Variants in ADAMTS19 observed in about 807,000 individuals in gnomAD.
The protein encoded by ADAMTS19 is ADAM metallopeptidase with thrombospondin type 1 motif 19, also known as A disintegrin and metalloproteinase with thrombospondin motifs 19.
A neutral mutation model predicts 153.3 loss-of-function variants in ADAMTS19; 93 were observed. That is an observed-to-expected ratio of 0.61 (90% confidence interval 0.51 to 0.72). The LOEUF (loss-of-function observed/expected upper bound fraction) is 0.72. Among genes scored for constraint, ADAMTS19 ranks in the 30% least tolerant of loss-of-function variants. The pLI is 0.00. For missense variants in ADAMTS19, 1,482 were observed against 1,552.1 expected (o/e 0.95, Z 0.76); for synonymous variants, 600 against 556.6 (o/e 1.08, Z -1.10).
At chr5:129,496,251 G>A (rs916425693) in intron 2 of ADAMTS19, among the ~76,000 whole-genome samples, 42 of 152,044 alleles carry the variant, frequency 2.8e-4, no homozygotes, top group Admixed American at 7.9e-4. Flanking sequence ...AAGTGGTAAC[G>A]AGGACATGAA....
chr5:129,582,391 G>GT (rs1404783302), intron 7 of ADAMTS19, among the ~76,000 whole-genome samples: 1 of 150,978 alleles, frequency 6.6e-6, no homozygotes, highest in Non-Finnish European at 1.5e-5. Context: ...TTTAAAGTCT[G>GT]TTTTATCAGA....
At chr5:129,609,342 G>A (rs1329097613) in intron 8 of ADAMTS19, among the ~76,000 whole-genome samples, 1 of 152,034 alleles carries the variant, frequency 6.6e-6, no homozygotes, top group Admixed American at 6.6e-5. Context: ...TCATTGTTAG[G>A]GTTTGTGATA....
At chr5:129,667,861 C>T (rs1216518292) in intron 16 of ADAMTS19, among the ~76,000 whole-genome samples, 1 of 152,198 alleles carries the variant, frequency 6.6e-6, no homozygotes, top group Non-Finnish European at 1.5e-5. Context: ...AATTTGATTT[C>T]CACTCCATGC....
chr5:129,470,550 G>A (rs1305569454), intron 2 of ADAMTS19, among the ~76,000 whole-genome samples: 2 of 152,180 alleles, frequency 1.3e-5, no homozygotes, highest in Non-Finnish European at 2.9e-5. Context: ...TTATTCTGAT[G>A]CCAAGCCCTA....
At position 129,461,710 on chromosome 5, in the gene ADAMTS19, C is replaced by A. The variant is rs138666792; in HGVS notation, c.700C>A (p.Arg234=). ...CTGCTTCTACACCGGAGCTGTGCTG[C>A]GGCACCCTGGCTCGCTGGCTTCTTT... ...AGCFYTGAVL[R]HPGSLASFST... is the part of the protein sequence containing the mutation. The change falls in exon 2 of 23, where the codon CGG becomes AGG. Residue 234 remains arginine, a synonymous_variant. Transcript: ENST00000274487. This position sits in a 1 kb window ranked among gnomAD's most constrained non-coding sequence, Gnocchi z 4.6. 2.6e-6 allele frequency: 4 copies of A among 1,525,370 alleles called. No homozygotes were observed. The highest frequency in any genetic ancestry group is 8.8e-7 in the Non-Finnish European group (1 of 1,141,030). The allele number at this position is 1,525,370 out of a possible 1,614,324, so 94.5% of individuals were successfully genotyped here. A position where few individuals can be genotyped will look rare whatever the true frequency, so the allele number is the denominator to read the frequency against.
intron 5 of ADAMTS19, 143 bp from the exon 6 acceptor site, chr5:129,528,377 G>A: frequency 1.8e-6 from 1 of 554,750 alleles, no homozygotes; most frequent in Non-Finnish European, 2.9e-6. Context: ...AATTAAACCT[G>A]CATGTCTTCC....
At chr5:129,683,285 A>G (rs1374041853) in intron 17 of ADAMTS19, among the ~76,000 whole-genome samples, 5 of 151,764 alleles carry the variant, frequency 3.3e-5, no homozygotes, top group Admixed American at 2.6e-4. Flanking sequence ...ACACTATCCA[A>G]TTCTGAGCCT....
intron 21 of ADAMTS19, among the ~76,000 whole-genome samples, chr5:129,709,192 A>G (rs114789193): frequency 0.013 from 1,912 of 152,200 alleles, 45 homozygotes; most frequent in African/African-American, 0.042. Flanking sequence ...TAAAAATTAG[A>G]TTTATGTTAA....
intron 10 of ADAMTS19, among the ~76,000 whole-genome samples, chr5:129,630,633 A>T (rs904192309): frequency 6.6e-6 from 1 of 152,074 alleles, no homozygotes. Context: ...AATCTACAAA[A>T]CTATAAAACT....
rs1186259435 is a variant in ADAMTS19 at position 129,522,316 on chromosome 5, T to TAC, written c.914-3952_914-3951dup. 7.0e-3 allele frequency among the ~76,000 whole-genome samples: 639 copies of TAC among 91,834 alleles called. 5 individuals carry two copies. The highest frequency in any genetic ancestry group is 0.011 in the Admixed American group (91 of 8,286). The allele number at this position is 91,834 out of a possible 152,430, so 60.2% of individuals were successfully genotyped here. A position where few individuals can be genotyped will look rare whatever the true frequency, so the allele number is the denominator to read the frequency against. On this transcript the variant is annotated intron_variant, in intron 3 of 22. Coordinates refer to ENST00000274487, the MANE Select transcript of ADAMTS19 (RefSeq NM_133638.6). ...GTGTGTGTGTATATATATATATATA[T>TAC]ACACACACACACACACATATATATA... is the stretch of plus-strand genomic sequence containing the variant.
At chr5:129,482,438 T>C (rs1262785901) in intron 2 of ADAMTS19, among the ~76,000 whole-genome samples, 1 of 152,190 alleles carries the variant, frequency 6.6e-6, no homozygotes, top group Non-Finnish European at 1.5e-5. Context: ...TATTTTATAA[T>C]AGAAGATATT....
intron 14 of ADAMTS19, among the ~76,000 whole-genome samples, chr5:129,658,370 A>G (rs976029411): frequency 2.0e-5 from 3 of 148,792 alleles, no homozygotes; most frequent in Admixed American, 2.0e-4. Context: ...AGAAAGAAAG[A>G]GAGAGAGGAA....
rs544274789 is a variant in ADAMTS19 at position 129,684,713 on chromosome 5, C to T, written c.2818+440C>T. On this transcript the variant is annotated intron_variant, in intron 18 of 22. Coordinates refer to ENST00000274487, the MANE Select transcript of ADAMTS19 (RefSeq NM_133638.6). ...GAATATAAGAATTATTTGGGCCGGG[C>T]GCGGTGGCTCACGCCTGTAATCCCA... Among the ~76,000 whole-genome samples the T allele has an allele frequency of 1.1e-3, 173 of 151,934 alleles. 1 individual carries two copies. Among genetic ancestry groups the T allele is most frequent in the African/African-American group, 3.8e-3 (157 of 41,528 alleles).
chr5:129,555,432 T>C (rs1753280876), intron 7 of ADAMTS19, among the ~76,000 whole-genome samples: 1 of 152,158 alleles, frequency 6.6e-6, no homozygotes, highest in Non-Finnish European at 1.5e-5. Flanking sequence ...ATTATTATTT[T>C]ACAGATGAAG....
At chr5:129,615,488 A>G (rs767801975) in intron 8 of ADAMTS19, among the ~76,000 whole-genome samples, 3 of 152,056 alleles carry the variant, frequency 2.0e-5, no homozygotes, top group East Asian at 1.9e-4. Context: ...GGGCAGGCCC[A>G]TGAATCTGCA....
At chr5:129,509,395 T>A (rs1751363625) in intron 3 of ADAMTS19, among the ~76,000 whole-genome samples, 153 bp downstream of exon 3, 1 of 152,066 alleles carries the variant, frequency 6.6e-6, no homozygotes, top group Non-Finnish European at 1.5e-5. Flanking sequence ...TAGGATTATC[T>A]TTTAGTTTTT....
At chr5:129,535,206 T>G (rs2126784529) in intron 6 of ADAMTS19, among the ~76,000 whole-genome samples, 1 of 152,302 alleles carries the variant, frequency 6.6e-6, no homozygotes, top group Non-Finnish European at 1.5e-5. Flanking sequence ...GATAAGCAAC[T>G]TCAGCAAATT....
intron 8 of ADAMTS19, among the ~76,000 whole-genome samples, chr5:129,607,524 C>A (rs1750959896): frequency 6.6e-6 from 1 of 152,048 alleles, no homozygotes; most frequent in Non-Finnish European, 1.5e-5. Context: ...GTGGAAGAAT[C>A]AGTTTGGGTC....
At chr5:129,621,016 T>A (rs931791875) in intron 9 of ADAMTS19, among the ~76,000 whole-genome samples, 2 of 152,166 alleles carry the variant, frequency 1.3e-5, no homozygotes, top group African/African-American at 4.8e-5. Context: ...ATCATGATTT[T>A]AAAAATCTGT....
Sources: allele counts gnomAD v4.1 joint callset (sites outside exome capture counted in the v4.1 genomes callset), GRCh38; gene constraint gnomAD v4.1.1; non-coding constraint Gnocchi (gnomAD v3.1); transcripts MANE v1.5; gene names NCBI Gene and HGNC (gene_info 2026-07-23, HGNC 2026-07-21).